The following TRIP4 variants were observed in gnomAD, a reference collection of about 807,000 sequenced individuals.
The protein encoded by TRIP4 is thyroid hormone receptor interactor 4.
Under a neutral mutation model 81.8 loss-of-function variants are expected in TRIP4, and 54 were observed. The observed-to-expected ratio is 0.66, with a 90% CI of 0.53 to 0.83. The LOEUF is 0.83. Among genes scored for constraint, TRIP4 ranks in the 40% least tolerant of loss-of-function variants. The probability of loss-of-function intolerance (pLI) is 0.00; values close to 1 mark genes in which losing one functional copy is unlikely to be tolerated. For missense variants in TRIP4, 662 were observed against 683.6 expected, an observed-to-expected ratio of 0.97 and a Z score of 0.35; for synonymous variants, 270 against 242.8, an observed-to-expected ratio of 1.11 and a Z score of -1.04.
At chr15:64,432,686 C>T (rs564729556) in intron 11 of TRIP4, among the ~76,000 whole-genome samples, 19 of 151,384 alleles carry the variant, frequency 1.3e-4, no homozygotes, top group Admixed American at 3.3e-4. Flanking sequence ...CCAAGATGGG[C>T]GGATCACAAG....
intron 1 of TRIP4, among the ~76,000 whole-genome samples, chr15:64,393,072 T>C (rs1344077638): frequency 6.6e-6 from 1 of 152,094 alleles, no homozygotes; most frequent in African/African-American, 2.4e-5. Flanking sequence ...TATAGCACTA[T>C]GGTAATAATT....
chr15:64,437,351 G>T (rs1310682999), intron 11 of TRIP4, among the ~76,000 whole-genome samples: 1 of 151,472 alleles, frequency 6.6e-6, no homozygotes, highest in African/African-American at 2.4e-5. Context: ...CTGGGAGGCA[G>T]AGTTGCAGTG....
chr15:64,408,305 C>T (rs1258579271), intron 6 of TRIP4, among the ~76,000 whole-genome samples: 2 of 126,050 alleles, frequency 1.6e-5, no homozygotes, highest in Non-Finnish European at 3.1e-5. Context: ...GTCGCCTGGG[C>T]TGCAGTGCAG....
chr15:64,390,959 T>C (rs1288930900), intron 1 of TRIP4, among the ~76,000 whole-genome samples: 1 of 152,092 alleles, frequency 6.6e-6, no homozygotes, highest in Admixed American at 6.6e-5. Flanking sequence ...TGTATTACGC[T>C]AAGATACTAT....
Position 64,394,083 on chromosome 15 carries a change from C to T in TRIP4, c.239C>T (p.Ser80Leu), listed in dbSNP as rs372840544. Residue 80 changes from serine (S) to leucine (L), a missense_variant, in exon 2 of 13, where the codon TCG becomes TTG. Physicochemically the swap from Ser to Leu is moderately radical, Grantham distance 145 (BLOSUM62 -2). Transcript: ENST00000261884. ...CAAAAGAATGATCAGGAGTTGATTT[C>T]GGATCCTTTGCAGCAGTGCTTCAAA... ...KWQKNDQELI[S>L]DPLQQCFKKD... is the part of the protein sequence containing the mutation. 1.0e-5 allele frequency: 16 copies of T among 1,605,760 alleles called. No individual in the cohort carries two copies. The highest frequency in any genetic ancestry group is 4.5e-5 in the East Asian group (2 of 44,438).
chr15:64,451,201 C>T (rs2140317726), intron 12 of TRIP4, among the ~76,000 whole-genome samples: 1 of 152,172 alleles, frequency 6.6e-6, no homozygotes, highest in East Asian at 1.9e-4. Flanking sequence ...CAACCTCTGC[C>T]TCCTGGGTTC....
chr15:64,387,946 T>G lies in TRIP4; in HGVS notation c.83T>G (p.Val28Gly), dbSNP rs1281816101. 2.6e-6 allele frequency: 4 copies of G among 1,550,878 alleles called. No individual in the cohort carries two copies. Among genetic ancestry groups the G allele is most frequent in the Admixed American group, 2.0e-5 (1 of 50,924 alleles). ...QQLRKTFGLD[V>G]SEEIIQYVLS... The stretch of plus-strand genomic sequence containing the variant: ...TTGCGGAAGACTTTCGGCCTGGATG[T>G]CAGCGAGGAGATCATTCAGTGAGAA... The change falls in exon 1 of 13, where the codon GTC (valine) becomes GGC (glycine). Residue 28 changes from valine (V) to glycine (G), a missense_variant. Transcript: ENST00000261884.
chr15:64,395,341 C>T, intron 2 of TRIP4, 57 bp from the exon 3 acceptor site: 6 of 1,472,474 alleles, frequency 4.1e-6, no homozygotes, highest in Non-Finnish European at 5.5e-6. Flanking sequence ...ATTAGTTCAC[C>T]AGGAATCCTC....
At chr15:64,431,268 G>A (rs68120823) in intron 11 of TRIP4, among the ~76,000 whole-genome samples, 8,222 of 152,040 alleles carry the variant, frequency 0.054, 293 homozygotes, top group Non-Finnish European at 0.085. Flanking sequence ...CAGCCCTCAC[G>A]ATGAGGGCTG....
At chr15:64,406,236 C>T (rs1891618848) in intron 5 of TRIP4, 94 bp from the exon 6 acceptor site, 6 of 1,499,784 alleles carry the variant, frequency 4.0e-6, no homozygotes, top group Non-Finnish European at 4.5e-6. Flanking sequence ...CAGGCCAGAA[C>T]CAGATCTTCT....
At chr15:64,431,847 A>ATATATATATATATATATATATATATTTT in intron 11 of TRIP4, among the ~76,000 whole-genome samples, 9 of 119,550 alleles carry the variant, frequency 7.5e-5, no homozygotes, top group African/African-American at 2.9e-4. Flanking sequence ...ATATATATAT[A>ATATATATATATATATATATATATATTTT]TTTTTTTTAT....
At chr15:64,443,427 G>A (rs1281290298) in intron 11 of TRIP4, among the ~76,000 whole-genome samples, 1 of 152,160 alleles carries the variant, frequency 6.6e-6, no homozygotes, top group Non-Finnish European at 1.5e-5. Flanking sequence ...AGGAAAAACA[G>A]GAAAATTAAA....
intron 11 of TRIP4, among the ~76,000 whole-genome samples, chr15:64,443,260 AT>A (rs2140312125): frequency 6.6e-6 from 1 of 152,330 alleles, no homozygotes; most frequent in African/African-American, 2.4e-5. Flanking sequence ...CATGCCAGAC[AT>A]TACAGAATGT....
At chr15:64,395,651 A>C in intron 3 of TRIP4, 120 bp downstream of exon 3, 1 of 1,170,508 alleles carries the variant, frequency 8.5e-7, no homozygotes, top group Non-Finnish European at 1.2e-6. Flanking sequence ...AAATGCATGA[A>C]TTTTAGGTAG....
chr15:64,428,403 CTCATT>C (rs545893605), intron 11 of TRIP4, among the ~76,000 whole-genome samples: 239 of 152,250 alleles, frequency 1.6e-3, no homozygotes, highest in African/African-American at 5.6e-3. Context: ...TATATTGTAT[CTCATT>C]TCCTGAGGTT....
At chr15:64,391,970 C>CA (rs35193532) in intron 1 of TRIP4, among the ~76,000 whole-genome samples, 3,503 of 22,902 alleles carry the variant, frequency 0.15, 627 homozygotes, top group South Asian at 0.21. Flanking sequence ...GACTCTGTCT[C>CA]AAAAAAAAAA....
Position 64,425,635 on chromosome 15 carries a change from A to C in TRIP4, c.1575+4A>C, listed in dbSNP as rs1436270536. ...CCAGAAGCAATTTAAGGAGCAGGTG[A>C]GTAAAGAATACTTTTTTTTTTTAGA... On this transcript the variant is annotated splice_donor_region_variant and intron_variant, in intron 11 of 12. Coordinates refer to ENST00000261884, the MANE Select transcript of TRIP4 (RefSeq NM_016213.5). The C allele has an allele frequency of 6.2e-7, 1 of 1,602,528 alleles. No homozygotes were observed. The highest frequency in any genetic ancestry group is 1.7e-5 in the Admixed American group (1 of 58,370).
At chr15:64,444,931 T>C (rs1426265648) in intron 11 of TRIP4, 75 bp from the exon 12 acceptor site, 2 of 758,596 alleles carry the variant, frequency 2.6e-6, no homozygotes, top group Admixed American at 2.4e-5. Context: ...AGGTGAAATC[T>C]GGGACATCTT....
At chr15:64,412,858 G>T (rs984421883) in intron 7 of TRIP4, among the ~76,000 whole-genome samples, 1 of 152,100 alleles carries the variant, frequency 6.6e-6, no homozygotes, top group Non-Finnish European at 1.5e-5. Flanking sequence ...TAACCAGTAG[G>T]TTTCCACAAT....
Sources: gnomAD v4.1 joint callset for allele counts (sites outside exome capture counted in the v4.1 genomes callset) on GRCh38, gnomAD v4.1.1 for gene constraint, MANE v1.5 for transcripts, NCBI Gene and HGNC (gene_info 2026-07-23, HGNC 2026-07-21) for gene names.